The following ST6GALNAC3 variants were observed in gnomAD, a reference collection of about 807,000 sequenced individuals.
ST6GALNAC3 encodes the protein alpha-N-acetylgalactosaminide alpha-2,6-sialyltransferase 3.
In ST6GALNAC3, 25 loss-of-function variants were observed where a neutral mutation model predicts 32.7. The observed-to-expected ratio is 0.76, with a 90% CI of 0.56 to 1.07. The LOEUF (loss-of-function observed/expected upper bound fraction) is 1.07. Among genes scored for constraint, ST6GALNAC3 ranks in the 50% least tolerant of loss-of-function variants. The pLI is 0.00. For missense variants in ST6GALNAC3, 355 were observed against 382.4 expected (o/e 0.93, Z 0.60); for synonymous variants, 129 against 133.1 (o/e 0.97, Z 0.21).
rs78667312 is a variant in ST6GALNAC3, at chr1:76,130,824, G to A, written c.18+55940G>A. 3.3e-3 allele frequency among the ~76,000 whole-genome samples: 509 copies of A among 152,342 alleles called. 4 individuals are homozygous for A. The highest frequency in any genetic ancestry group is 0.012 in the African/African-American group (488 of 41,582). On this transcript the variant is annotated intron_variant, in intron 1 of 4. Transcript: ENST00000328299. ...CAGCTTGTGTGTCCAGAATCGCAGA[G>A]GTTGCACCCCGCTCAGAGGTGGTTT...
chr1:76,626,719 T>C (rs1648990212), intron 3 of ST6GALNAC3, among the ~76,000 whole-genome samples: 2 of 151,960 alleles, frequency 1.3e-5, no homozygotes, highest in East Asian at 1.9e-4. Flanking sequence ...CAAAGAAGGC[T>C]TTCCTAGCCA....
chr1:76,257,029 T>G lies in ST6GALNAC3; in HGVS notation c.19-56776T>G, dbSNP rs1657962868. ...AATTTGACAGTTGTCAGACAGCAGC[T>G]AGCTATTACGAGTGAGCCAGGGAAT... On this transcript the variant is annotated intron_variant, in intron 1 of 4. Transcript: ENST00000328299. Among the ~76,000 whole-genome samples the G allele has an allele frequency of 3.3e-5, 5 of 152,146 alleles. No homozygotes were observed. The South Asian group carries it at 1.0e-3, about 31-fold the overall frequency.
chr1:76,514,596 T>C (rs1319373841), intron 3 of ST6GALNAC3, among the ~76,000 whole-genome samples: 3 of 152,166 alleles, frequency 2.0e-5, no homozygotes, highest in African/African-American at 7.2e-5. Flanking sequence ...AATGCCAGGA[T>C]GCCCCTCAGG....
chr1:76,410,431 T>C (rs1654152367), intron 2 of ST6GALNAC3, among the ~76,000 whole-genome samples: 1 of 152,002 alleles, frequency 6.6e-6, no homozygotes, highest in Non-Finnish European at 1.5e-5. Context: ...ACTCTCTCTC[T>C]CTCACACACT....
intron 1 of ST6GALNAC3, among the ~76,000 whole-genome samples, chr1:76,119,064 A>C (rs1268130091): frequency 3.3e-5 from 5 of 152,072 alleles, no homozygotes; most frequent in African/African-American, 4.8e-5. Context: ...CTTGTGATCC[A>C]CCCACCACGA....
intron 2 of ST6GALNAC3, among the ~76,000 whole-genome samples, chr1:76,328,918 T>C (rs1308404073): frequency 6.6e-6 from 1 of 152,186 alleles, no homozygotes; most frequent in East Asian, 1.9e-4. Flanking sequence ...CCAATTGCCC[T>C]CATCATCTCC....
At chr1:76,102,080 T>C (rs550857707) in intron 1 of ST6GALNAC3, among the ~76,000 whole-genome samples, 1 of 152,206 alleles carries the variant, frequency 6.6e-6, no homozygotes, top group Non-Finnish European at 1.5e-5. Flanking sequence ...GAGAGAGATA[T>C]GTTAAAATTC....
chr1:76,322,294 G>T (rs1350364826), intron 2 of ST6GALNAC3, among the ~76,000 whole-genome samples: 1 of 152,166 alleles, frequency 6.6e-6, no homozygotes, highest in African/African-American at 2.4e-5. Context: ...ATGGCAATTG[G>T]TATTAACCAA....
At chr1:76,426,400 C>A (rs1367608586) in intron 3 of ST6GALNAC3, among the ~76,000 whole-genome samples, 1 of 151,754 alleles carries the variant, frequency 6.6e-6, no homozygotes, top group African/African-American at 2.4e-5. Context: ...GTCAGCATCA[C>A]CAATATCGCT....
intron 1 of ST6GALNAC3, among the ~76,000 whole-genome samples, chr1:76,076,147 G>A (rs1056998681): frequency 2.0e-5 from 3 of 152,168 alleles, no homozygotes; most frequent in East Asian, 3.8e-4. Context: ...GTATTTGACC[G>A]GGAGGCTCTT....
chr1:76,201,617 G>A (rs904482800), intron 1 of ST6GALNAC3, among the ~76,000 whole-genome samples: 1 of 152,068 alleles, frequency 6.6e-6, no homozygotes, highest in African/African-American at 2.4e-5. Flanking sequence ...CCCTGCTTAG[G>A]AAGTCAGAAT....
At chr1:76,312,204 G>A (rs1646779020) in intron 1 of ST6GALNAC3, among the ~76,000 whole-genome samples, 1 of 152,188 alleles carries the variant, frequency 6.6e-6, no homozygotes, top group Non-Finnish European at 1.5e-5. Flanking sequence ...AACAAATGGT[G>A]TTGGGAAAAT....
intron 2 of ST6GALNAC3, among the ~76,000 whole-genome samples, chr1:76,339,887 C>T (rs1349279866): frequency 6.6e-6 from 1 of 152,180 alleles, no homozygotes; most frequent in Non-Finnish European, 1.5e-5. Flanking sequence ...TCATTCAGAG[C>T]AGGTTCTGTG....
intron 3 of ST6GALNAC3, among the ~76,000 whole-genome samples, chr1:76,520,294 C>G (rs902367748): frequency 2.0e-5 from 3 of 152,128 alleles, no homozygotes; most frequent in Non-Finnish European, 4.4e-5. Context: ...TAAAGGGCCC[C>G]TCTATAAGGA....
At chr1:76,168,785 C>T (rs1339475370) in intron 1 of ST6GALNAC3, among the ~76,000 whole-genome samples, 3 of 151,862 alleles carry the variant, frequency 2.0e-5, no homozygotes, top group Non-Finnish European at 2.9e-5. Flanking sequence ...GAGATTGCAA[C>T]TCTTGCTTTT....
intron 1 of ST6GALNAC3, chr1:76,307,794 C>A: frequency 3.3e-6 from 1 of 305,240 alleles, no homozygotes; most frequent in Admixed American, 3.5e-5. Flanking sequence ...AAAACATATA[C>A]ATATTAATAT....
intron 1 of ST6GALNAC3, among the ~76,000 whole-genome samples, chr1:76,250,579 A>G (rs184264977): frequency 1.3e-5 from 2 of 152,306 alleles, no homozygotes; most frequent in Non-Finnish European, 2.9e-5. Flanking sequence ...AAGAGAAAGA[A>G]CTATTGTCTG....
intron 2 of ST6GALNAC3, among the ~76,000 whole-genome samples, chr1:76,332,785 C>G (rs1320209940): frequency 6.6e-6 from 1 of 152,122 alleles, no homozygotes; most frequent in African/African-American, 2.4e-5. Context: ...ATTTTGAATC[C>G]TAAATTATAC....
At chr1:76,155,585 A>G (rs1321402641) in intron 1 of ST6GALNAC3, among the ~76,000 whole-genome samples, 1 of 150,766 alleles carries the variant, frequency 6.6e-6, no homozygotes. Context: ...CTCCTGCCTC[A>G]GCCTCCCGAA....
Sources: allele counts gnomAD v4.1 joint callset (sites outside exome capture counted in the v4.1 genomes callset), GRCh38; gene constraint gnomAD v4.1.1; transcripts MANE v1.5; gene names NCBI Gene and HGNC (gene_info 2026-07-23, HGNC 2026-07-21).